Variants in DNAH7 observed in about 807,000 individuals in gnomAD.
DNAH7 encodes the protein axonemal beta dynein heavy chain 7.
In DNAH7, 397 loss-of-function variants were observed where a neutral mutation model predicts 444.6. The observed-to-expected ratio is 0.89, with a 90% confidence interval of 0.82 to 0.97. DNAH7 has a LOEUF of 0.97. DNAH7 is among the 50% of genes least tolerant of loss of function. DNAH7 has a pLI of 0.00. For synonymous variants in DNAH7, 1,636 were observed against 1,624.4 expected (o/e 1.01, Z -0.17); for missense variants, 4,902 against 4,800.8 (o/e 1.02, Z -0.62).
At chr2:195,912,444 G>C (rs892572017) in intron 24 of DNAH7, among the ~76,000 whole-genome samples, 2 of 152,156 alleles carry the variant, frequency 1.3e-5, no homozygotes, top group African/African-American at 4.8e-5. Flanking sequence ...ACCTGGCCAG[G>C]TCCAGATCCC....
At chr2:196,026,047 G>A (rs1695668384) in intron 7 of DNAH7, among the ~76,000 whole-genome samples, 1 of 152,144 alleles carries the variant, frequency 6.6e-6, no homozygotes, top group Non-Finnish European at 1.5e-5. Flanking sequence ...CTATTTGTCT[G>A]TACCATGGGT....
intron 61 of DNAH7, among the ~76,000 whole-genome samples, chr2:195,764,644 T>C (rs1268273696): frequency 6.6e-6 from 1 of 151,794 alleles, no homozygotes; most frequent in Non-Finnish European, 1.5e-5. Context: ...TTACAATAGC[T>C]ACAAAAAGAT....
At chr2:195,762,546 G>A (rs1375741168) in intron 61 of DNAH7, among the ~76,000 whole-genome samples, 1 of 152,010 alleles carries the variant, frequency 6.6e-6, no homozygotes, top group East Asian at 1.9e-4. Context: ...GATATTCCAT[G>A]CCAATACAAA....
At chr2:195,820,028 A>C (rs768564028) in intron 49 of DNAH7, among the ~76,000 whole-genome samples, 6 of 152,198 alleles carry the variant, frequency 3.9e-5, no homozygotes, top group Non-Finnish European at 8.8e-5. Flanking sequence ...GAGAAAGCAA[A>C]GCACGTTTAG....
intron 48 of DNAH7, among the ~76,000 whole-genome samples, chr2:195,829,869 G>C (rs1697975316): frequency 6.6e-6 from 1 of 151,706 alleles, no homozygotes; most frequent in Non-Finnish European, 1.5e-5. Context: ...AAAGATATTT[G>C]TAGTGTCTTG....
intron 60 of DNAH7, among the ~76,000 whole-genome samples, chr2:195,772,464 G>C (rs1452672546): frequency 6.6e-6 from 1 of 152,158 alleles, no homozygotes; most frequent in African/African-American, 2.4e-5. Context: ...AGCAAGGAAG[G>C]AGAATTTCAA....
intron 27 of DNAH7, chr2:195,903,092 T>A (rs561781130): frequency 6.6e-6 from 1 of 152,148 alleles, no homozygotes; most frequent in Non-Finnish European, 1.5e-5. Context: ...CATGTGAACA[T>A]AATCTTCATG....
intron 54 of DNAH7, among the ~76,000 whole-genome samples, chr2:195,802,173 T>C (rs1299065789): frequency 6.6e-6 from 1 of 152,224 alleles, no homozygotes; most frequent in Non-Finnish European, 1.5e-5. Flanking sequence ...TTTATAGATG[T>C]TATTTTATGT....
chr2:196,032,873 T>C (rs777274126), intron 5 of DNAH7, among the ~76,000 whole-genome samples: 53 of 152,212 alleles, frequency 3.5e-4, no homozygotes, highest in South Asian at 1.0e-3. Context: ...AACAAAATAC[T>C]AGCAAATCAG....
chr2:195,928,785 A>T (rs1688504534), intron 21 of DNAH7, among the ~76,000 whole-genome samples: 1 of 152,018 alleles, frequency 6.6e-6, no homozygotes, highest in Non-Finnish European at 1.5e-5. Context: ...AACATTGAAC[A>T]TCTAGATTCC....
chr2:195,748,525 G>C (rs931670040), intron 63 of DNAH7, among the ~76,000 whole-genome samples: 32 of 152,120 alleles, frequency 2.1e-4, no homozygotes, highest in South Asian at 1.5e-3. Context: ...CCCACATCGC[G>C]AAGTCAATCC....
intron 45 of DNAH7, among the ~76,000 whole-genome samples, chr2:195,853,847 T>C (rs1180828700): frequency 6.6e-6 from 1 of 152,206 alleles, no homozygotes; most frequent in Non-Finnish European, 1.5e-5. Flanking sequence ...ATAGATATTT[T>C]CCCTCCATTT....
intron 38 of DNAH7, among the ~76,000 whole-genome samples, chr2:195,874,438 C>T (rs763309070): frequency 2.6e-5 from 4 of 152,024 alleles, no homozygotes; most frequent in Non-Finnish European, 2.9e-5. Context: ...AAATGGGGTC[C>T]GAAAGGAAAA....
At chr2:196,060,961 A>T (rs1320929246) in intron 1 of DNAH7, among the ~76,000 whole-genome samples, 1 of 151,948 alleles carries the variant, frequency 6.6e-6, no homozygotes, top group Non-Finnish European at 1.5e-5. Flanking sequence ...TTTAAAGTTC[A>T]TTTTTAAATT....
chr2:195,960,326 T>C lies in DNAH7; in HGVS notation c.2825A>G (p.Asp942Gly), dbSNP rs756459958. 6 of 1,613,890 alleles carry C rather than the reference T, an allele frequency of 3.7e-6. No homozygotes were observed. The African/African-American group carries it at 4.0e-5, about 11-fold the overall frequency. The change falls in exon 18 of 65, where the codon GAC (aspartate) becomes GGC (glycine). Residue 942 changes from aspartate (D) to glycine (G), a missense_variant. By Grantham distance (94) the Asp-to-Gly change is moderately conservative (BLOSUM62 -1). Coordinates refer to ENST00000312428, the MANE Select transcript of DNAH7 (RefSeq NM_018897.3). ...SVDEIQMLLD[D>G]HIIKTQTMRG... ...CATAGTTTGTGTTTTAATAATATGGTCATCCAACAACATCTGAATTTCATC... is the reference window on the plus strand; with the variant it reads ...CATAGTTTGTGTTTTAATAATATGGCCATCCAACAACATCTGAATTTCATC...
At chr2:195,766,167 AT>A (rs755912873) in intron 61 of DNAH7, among the ~76,000 whole-genome samples, 1,885 of 57,318 alleles carry the variant, frequency 0.033, 101 homozygotes, top group East Asian at 0.31. Flanking sequence ...GTGGGAGCTA[AT>A]TTTTTTTTTT....
At chr2:195,942,941 C>T (rs1051273968) in intron 19 of DNAH7, among the ~76,000 whole-genome samples, 2 of 152,062 alleles carry the variant, frequency 1.3e-5, no homozygotes, top group Admixed American at 1.3e-4. Flanking sequence ...ATTGTAATAA[C>T]CCCTGTGTGT....
At chr2:195,849,008 A>G (rs762619401) in intron 46 of DNAH7, among the ~76,000 whole-genome samples, 1 of 152,214 alleles carries the variant, frequency 6.6e-6, no homozygotes, top group Non-Finnish European at 1.5e-5. Flanking sequence ...TTTGCAGGTA[A>G]TAAGCATTCT....
At chr2:195,896,359 A>G (rs932941201) in intron 29 of DNAH7, among the ~76,000 whole-genome samples, 6 of 149,326 alleles carry the variant, frequency 4.0e-5, no homozygotes, top group Admixed American at 3.3e-4. Flanking sequence ...TTCAAAGAGT[A>G]GTTTTTTTTT....
Sources: gnomAD v4.1 joint callset for allele counts (sites outside exome capture counted in the v4.1 genomes callset) on GRCh38, gnomAD v4.1.1 for gene constraint, MANE v1.5 for transcripts, NCBI Gene and HGNC (gene_info 2026-07-23, HGNC 2026-07-21) for gene names.